AP5S1: variants seen among roughly 807,000 people sequenced by gnomAD.
AP5S1 encodes the protein adaptor related protein complex 5 subunit sigma 1.
In AP5S1, 13 loss-of-function variants were observed where a neutral mutation model predicts 13.9. The ratio of observed to expected loss-of-function variants is 0.94; its 90% confidence interval spans 0.61 to 1.49. The LOEUF is 1.49. Among genes scored for constraint, AP5S1 ranks in the 40% most tolerant of loss-of-function variants. The probability of loss-of-function intolerance (pLI) is 0.00; values close to 1 mark genes in which losing one functional copy is unlikely to be tolerated. For missense variants in AP5S1, 292 were observed against 272.3 expected, an observed-to-expected ratio of 1.07 and a Z score of -0.51; for synonymous variants, 132 against 121.8, an observed-to-expected ratio of 1.08 and a Z score of -0.55.
chr20:3,827,132 G>C lies in AP5S1; in HGVS notation c.*2835G>C, dbSNP rs1223471338. On this transcript the variant is annotated 3_prime_UTR_variant, in exon 3 of 3. Transcript: ENST00000615891. ...CCACATATCCCTCAGCTTCTTGAGA[G>C]AACTAGAGACTTTGAGCAGCTAGTA... 1 of 152,268 alleles carries C rather than the reference G, an allele frequency of 6.6e-6. No individual in the cohort carries two copies. 9.4% of individuals were successfully genotyped at this position (152,268 alleles called of 1,614,324 possible).
Position 3,822,292 on chromosome 20 carries a change from A to G in AP5S1, c.175A>G (p.Arg59Gly), listed in dbSNP as rs374122958. The G allele has an allele frequency of 2.5e-6, 4 of 1,613,786 alleles. No individual in the cohort carries two copies. The African/African-American group carries it at 5.3e-5, about 22-fold the overall frequency. ...LRKEQILAVA[R>G]QVESMCRLQQ... ...GAAGGAACAGATTTTAGCTGTGGCC[A>G]GGTAACCACACAGCCCAGCCCCAGG... The change falls in exon 2 of 3, where the codon AGG (arginine) becomes GGG (glycine). Residue 59 changes from arginine to glycine, a missense_variant and splice_region_variant. Coordinates refer to ENST00000615891, the MANE Select transcript of AP5S1 (RefSeq NM_018347.3).
At chr20:3,822,755 C>T (rs1341505838) in intron 2 of AP5S1, among the ~76,000 whole-genome samples, 1 of 152,144 alleles carries the variant, frequency 6.6e-6, no homozygotes, top group African/African-American at 2.4e-5. Flanking sequence ...CTTTTCAGTG[C>T]AGTACTTAAC....
Position 3,823,978 on chromosome 20 carries a change from G to A in AP5S1, c.284G>A (p.Arg95His), listed in dbSNP as rs764393681. ...CAAGTGCCGCTGCACGAGGCCCCAC[G>A]TGGGGCTTTCCGCCTGGCAGCAGAG... ...DEQVPLHEAPRGAFRLAAENP... is the reference protein window; with the variant it reads ...DEQVPLHEAPHGAFRLAAENP... Residue 95 changes from arginine to histidine, a missense_variant, in exon 3 of 3, where the codon CGT becomes CAT. Coordinates refer to ENST00000615891, the MANE Select transcript of AP5S1 (RefSeq NM_018347.3). 5.9e-5 allele frequency: 95 copies of A among 1,611,842 alleles called. No individual in the cohort carries two copies. The highest frequency in any genetic ancestry group is 1.6e-4 in the Middle Eastern group (1 of 6,084).
rs376672375 is a variant in AP5S1 at position 3,824,155 on chromosome 20, C to T, written c.461C>T (p.Ala154Val). 4.1e-5 allele frequency: 66 copies of T among 1,613,924 alleles called. No individual in the cohort carries two copies. Among genetic ancestry groups the T allele is most frequent in the Non-Finnish European group, 5.4e-5 (64 of 1,180,048 alleles). The change falls in exon 3 of 3, where the codon GCG (alanine) becomes GTG (valine). Residue 154 changes from alanine (A) to valine (V), a missense_variant. Transcript: ENST00000615891. Reference sequence around the variant, plus strand: ...CTCCTTGACCACCTCCGGCTGCTGGCGCCCAGCACCAGCCTTCTGCTGCGG... The same window carrying T: ...CTCCTTGACCACCTCCGGCTGCTGGTGCCCAGCACCAGCCTTCTGCTGCGG... ...RLLLDHLRLLAPSTSLLLRAD... is the reference protein window; with the variant it reads ...RLLLDHLRLLVPSTSLLLRAD...
At position 3,823,851 on chromosome 20, in the gene AP5S1, G is replaced by T; in HGVS notation, c.177-20G>T. ...AGTTGGTGTGTGAGCCCACCAGCCT[G>T]ACCTGCCCACTCTCCCCAGGCAGGT... On this transcript the variant is annotated intron_variant, in intron 2 of 2. Coordinates refer to ENST00000615891, the MANE Select transcript of AP5S1 (RefSeq NM_018347.3). 2 of 1,587,808 alleles carry T rather than the reference G, an allele frequency of 1.3e-6. No homozygotes were observed. The highest frequency in any genetic ancestry group is 2.2e-5 in the South Asian group (2 of 90,004).
intron 2 of AP5S1, among the ~76,000 whole-genome samples, chr20:3,823,172 T>G (rs183345845): frequency 6.6e-6 from 1 of 152,292 alleles, no homozygotes; most frequent in African/African-American, 2.4e-5. Flanking sequence ...AGGTCTTTCT[T>G]TCATATTTGG....
chr20:3,822,308 C>T lies in AP5S1; in HGVS notation c.176+15C>T. ...GCTGTGGCCAGGTAACCACACAGCC[C>T]AGCCCCAGGCCTTCATTGAACACGT... On this transcript the variant is annotated intron_variant, in intron 2 of 2. Coordinates refer to ENST00000615891, the MANE Select transcript of AP5S1 (RefSeq NM_018347.3). 6.2e-7 allele frequency: 1 copy of T among 1,611,214 alleles called. No homozygotes were observed. The highest frequency in any genetic ancestry group is 8.5e-7 in the Non-Finnish European group (1 of 1,177,644).
chr20:3,824,367 T>C lies in AP5S1; in HGVS notation c.*70T>C. ...ACACAGCCAGATGAAGCTTGGCATC[T>C]CCCTCCTACCCAGCAGCTCTGATGT... On this transcript the variant is annotated 3_prime_UTR_variant, in exon 3 of 3. Coordinates refer to ENST00000615891, the MANE Select transcript of AP5S1 (RefSeq NM_018347.3). 6.9e-7 allele frequency: 1 copy of C among 1,459,102 alleles called. No individual in the cohort carries two copies. Among genetic ancestry groups the C allele is most frequent in the Non-Finnish European group, 9.4e-7 (1 of 1,065,070 alleles). The allele number at this position is 1,459,102 out of a possible 1,614,324, so 90.4% of individuals were successfully genotyped here.
At chr20:3,821,196 T>G (rs1259150763) in intron 1 of AP5S1, among the ~76,000 whole-genome samples, 3 of 152,206 alleles carry the variant, frequency 2.0e-5, no homozygotes, top group Non-Finnish European at 4.4e-5. Context: ...GAAATCCTGT[T>G]TCCTCTATAT....
rs1450943918 is a variant in AP5S1, at chr20:3,824,276, C to T, written c.582C>T (p.Phe194=). 6.2e-7 allele frequency: 1 copy of T among 1,613,582 alleles called. No individual in the cohort carries two copies. Among genetic ancestry groups the T allele is most frequent in the Non-Finnish European group, 8.5e-7 (1 of 1,179,640 alleles). ...DQFVQGLEKE[F]SAAWPR is the part of the protein sequence containing the mutation. The stretch of plus-strand genomic sequence containing the variant: ...TTGTCCAAGGCCTGGAGAAGGAATT[C>T]AGTGCCGCTTGGCCCCGCTGATTCC... Residue 194 remains phenylalanine, a synonymous_variant, in exon 3 of 3, where the codon TTC becomes TTT. Coordinates refer to ENST00000615891, the MANE Select transcript of AP5S1 (RefSeq NM_018347.3).
At position 3,827,274 on chromosome 20, in the gene AP5S1, G is replaced by GTT. The variant is rs1156755852; in HGVS notation, c.*2980_*2981dup. On this transcript the variant is annotated 3_prime_UTR_variant, in exon 3 of 3. Transcript: ENST00000615891. ...AGGAAGAAGTCACAGGTTTTGTTTT[G>GTT]TTTTGTTTTAGGCGGAGTTTCTCTT... 6.6e-6 allele frequency: 1 copy of GTT among 151,954 alleles called. No homozygotes were observed. Among genetic ancestry groups the GTT allele is most frequent in the African/African-American group, 2.4e-5 (1 of 41,398 alleles). The allele number at this position is 151,954 out of a possible 1,614,324, so 9.4% of individuals were successfully genotyped here.
In AP5S1 at chr20:3,827,543, G is replaced by C. The variant is rs959022748; in HGVS notation, c.*3246G>C. ...CTCAAAGTACCGGGATTATAGGCGT[G>C]AGCCACCACGACTGACTGGCATGAA... is the stretch of plus-strand genomic sequence containing the variant. On this transcript the variant is annotated 3_prime_UTR_variant, in exon 3 of 3. Coordinates refer to ENST00000615891, the MANE Select transcript of AP5S1 (RefSeq NM_018347.3). The C allele has an allele frequency of 6.6e-6, 1 of 152,248 alleles. No individual in the cohort carries two copies. Among genetic ancestry groups the C allele is most frequent in the Non-Finnish European group, 1.5e-5 (1 of 68,110 alleles). The allele number at this position is 152,248 out of a possible 1,614,324, so 9.4% of individuals were successfully genotyped here. A position where few individuals can be genotyped will look rare whatever the true frequency, so the allele number is the denominator to read the frequency against.
chr20:3,823,309 C>T (rs2089597762), intron 2 of AP5S1, among the ~76,000 whole-genome samples: 2 of 152,068 alleles, frequency 1.3e-5, no homozygotes, highest in South Asian at 4.1e-4. Context: ...AGTGCAGTGG[C>T]GCAATCTTGG....
rs1011696447 is a variant in AP5S1 at position 3,827,110 on chromosome 20, C to T, written c.*2813C>T. 1.3e-5 allele frequency: 2 copies of T among 152,256 alleles called. No homozygotes were observed. Among genetic ancestry groups the T allele is most frequent in the Non-Finnish European group, 2.9e-5 (2 of 68,074 alleles). 9.4% of individuals were successfully genotyped at this position (152,256 alleles called of 1,614,324 possible). ...TGCCCCAGGAACCCTGGCCAAACCA[C>T]ATATCCCTCAGCTTCTTGAGAGAAC... On this transcript the variant is annotated 3_prime_UTR_variant, in exon 3 of 3. Transcript: ENST00000615891.
At chr20:3,821,966 A>G (rs981796250) in intron 1 of AP5S1, 136 bp from the exon 2 acceptor site, 1 of 1,370,734 alleles carries the variant, frequency 7.3e-7, no homozygotes, top group Admixed American at 3.0e-5. Flanking sequence ...TGTTGTTCAG[A>G]TGCTGTTATT....
rs2089614359 is a variant in AP5S1 at position 3,824,912 on chromosome 20, A to G, written c.*615A>G. 1 of 142,624 alleles carries G rather than the reference A, an allele frequency of 7.0e-6. No homozygotes were observed. 8.8% of individuals were successfully genotyped at this position (142,624 alleles called of 1,614,324 possible). A position where few individuals can be genotyped will look rare whatever the true frequency, so the allele number is the denominator to read the frequency against. ...GCGCCACTTCACTCCAGCCTGGGCA[A>G]CAGAGTGAGACTCCATCTCAAAAAA... On this transcript the variant is annotated 3_prime_UTR_variant, in exon 3 of 3. Coordinates refer to ENST00000615891, the MANE Select transcript of AP5S1 (RefSeq NM_018347.3).
intron 2 of AP5S1, 86 bp downstream of exon 2, chr20:3,822,379 T>C: frequency 7.5e-7 from 1 of 1,334,500 alleles, no homozygotes. Context: ...CGCAGAGAAA[T>C]AGGAGGACTA....
rs1964083664 is a variant in AP5S1, at chr20:3,823,973, C to T, written c.279C>T (p.Ala93=). The change falls in exon 3 of 3, where the codon GCC becomes GCT. Residue 93 remains alanine (A), a synonymous_variant. Transcript: ENST00000615891. ...SSDEQVPLHE[A]PRGAFRLAAE... ...ATGAGCAAGTGCCGCTGCACGAGGC[C>T]CCACGTGGGGCTTTCCGCCTGGCAG... 6.2e-7 allele frequency: 1 copy of T among 1,611,420 alleles called. No individual in the cohort carries two copies. The highest frequency in any genetic ancestry group is 8.5e-7 in the Non-Finnish European group (1 of 1,180,040).
intron 2 of AP5S1, chr20:3,823,481 G>A (rs1410120400): frequency 8.7e-6 from 8 of 915,072 alleles, no homozygotes; most frequent in Non-Finnish European, 1.0e-5. Context: ...TCGATCTCCT[G>A]ACCTCGTGAT....
Sources: gnomAD v4.1 joint callset for allele counts (sites outside exome capture counted in the v4.1 genomes callset) on GRCh38, gnomAD v4.1.1 for gene constraint, MANE v1.5 for transcripts, NCBI Gene and HGNC (gene_info 2026-07-23, HGNC 2026-07-21) for gene names.